Variants in KSR2 observed in about 807,000 individuals in gnomAD.
KSR2 encodes kinase suppressor of ras 2.
Under a neutral mutation model 107.8 loss-of-function variants are expected in KSR2, and 25 were observed. The ratio of observed to expected loss-of-function variants is 0.23; its 90% CI spans 0.17 to 0.32. The LOEUF is 0.32. Among genes scored for constraint, KSR2 ranks in the 10% least tolerant of loss-of-function variants. KSR2 has a pLI of 1.00. For synonymous variants in KSR2, 480 were observed against 507.0 expected (o/e 0.95, Z 0.71); for missense variants, 887 against 1,268.9 (o/e 0.70, Z 4.57).
intron 4 of KSR2, among the ~76,000 whole-genome samples, chr12:117,710,901 C>T (rs1886745977): frequency 6.6e-6 from 1 of 152,136 alleles, no homozygotes; most frequent in Non-Finnish European, 1.5e-5. Flanking sequence ...TGCCTCAAGA[C>T]CTTTGCACAT....
At chr12:117,882,060 T>C (rs539048891) in intron 1 of KSR2, among the ~76,000 whole-genome samples, 3 of 152,290 alleles carry the variant, frequency 2.0e-5, no homozygotes, top group African/African-American at 4.8e-5. Context: ...GGAAATGCCA[T>C]GGCAGTTAGA....
intron 1 of KSR2, among the ~76,000 whole-genome samples, chr12:117,888,509 G>A (rs996531448): frequency 6.6e-6 from 1 of 152,152 alleles, no homozygotes; most frequent in African/African-American, 2.4e-5. Context: ...TTGGAGATGG[G>A]GGCCTAGGGA....
intron 14 of KSR2, among the ~76,000 whole-genome samples, chr12:117,504,607 C>T (rs1322490634): frequency 6.6e-6 from 1 of 152,094 alleles, no homozygotes; most frequent in Non-Finnish European, 1.5e-5. Context: ...GCCCAGCTAC[C>T]TGGATATCCA....
intron 4 of KSR2, among the ~76,000 whole-genome samples, chr12:117,757,668 C>T (rs2136853828): frequency 6.6e-6 from 1 of 152,344 alleles, no homozygotes; most frequent in Non-Finnish European, 1.5e-5. Flanking sequence ...AACATTGAAG[C>T]AAGACCTTCC....
intron 4 of KSR2, among the ~76,000 whole-genome samples, chr12:117,752,290 C>T (rs1266068419): frequency 1.3e-5 from 2 of 152,190 alleles, no homozygotes; most frequent in African/African-American, 4.8e-5. Flanking sequence ...AATGTGTTCA[C>T]TCACAAACTA....
At chr12:117,925,697 G>A (rs753762335) in intron 1 of KSR2, among the ~76,000 whole-genome samples, 12 of 152,122 alleles carry the variant, frequency 7.9e-5, no homozygotes, top group South Asian at 2.1e-4. Flanking sequence ...AACCCTGATA[G>A]GTAGGTCTAG....
chr12:117,825,159 G>A (rs911980405), intron 3 of KSR2, among the ~76,000 whole-genome samples: 5 of 152,120 alleles, frequency 3.3e-5, no homozygotes, highest in African/African-American at 9.7e-5. Context: ...TCCAGCCTGG[G>A]TGACAGCAAG....
Position 117,667,471 on chromosome 12 carries a change from T to C in KSR2, c.1171+3A>G, listed in dbSNP as rs1565951558. The stretch of plus-strand genomic sequence containing the variant: ...CCCAGTGCAGCCCGGCAGGGTGACT[T>C]ACTTGCAGAGAAGTTGGCCTCAGTG... On this transcript the variant is annotated splice_donor_region_variant and intron_variant, in intron 5 of 19. Coordinates refer to ENST00000339824, the MANE Select transcript of KSR2 (RefSeq NM_173598.6). 2 of 1,609,114 alleles carry C rather than the reference T, an allele frequency of 1.2e-6. No homozygotes were observed. Among genetic ancestry groups the C allele is most frequent in the Non-Finnish European group, 1.7e-6 (2 of 1,178,260 alleles).
chr12:117,524,905 C>A lies in KSR2; in HGVS notation c.2166G>T (p.Val722=), dbSNP rs1024480784. 6.2e-7 allele frequency: 1 copy of A among 1,613,762 alleles called. No homozygotes were observed. Among genetic ancestry groups the A allele is most frequent in the African/African-American group, 1.3e-5 (1 of 75,032 alleles). ...TCATGCAGGCACCCATGAAAAGCAC[C>A]ACGTTCTCATGCCGTGTCTGCCTGT... The part of the protein sequence containing the change: ...MAYRQTRHEN[V]VLFMGACMSP... Residue 722 remains valine, a synonymous_variant, in exon 14 of 20, where the codon GTG becomes GTT. Coordinates refer to ENST00000339824, the MANE Select transcript of KSR2 (RefSeq NM_173598.6).
intron 4 of KSR2, among the ~76,000 whole-genome samples, chr12:117,695,962 G>C (rs1438050145): frequency 6.6e-6 from 1 of 152,196 alleles, no homozygotes; most frequent in Non-Finnish European, 1.5e-5. Context: ...AGTGAAAGCT[G>C]ACAGCCAGCA....
intron 3 of KSR2, among the ~76,000 whole-genome samples, chr12:117,840,961 C>T (rs1245713522): frequency 3.3e-5 from 5 of 151,138 alleles, no homozygotes; most frequent in East Asian, 2.0e-4. Context: ...GAGATTAAGC[C>T]GCTGCAATCT....
At chr12:117,489,123 C>T (rs2137150845) in intron 14 of KSR2, among the ~76,000 whole-genome samples, 2 of 151,850 alleles carry the variant, frequency 1.3e-5, no homozygotes, top group East Asian at 3.9e-4. Context: ...GACCTACATG[C>T]TGAAAGTCGG....
chr12:117,760,729 T>C (rs1199481750), intron 4 of KSR2, among the ~76,000 whole-genome samples: 3 of 152,250 alleles, frequency 2.0e-5, no homozygotes, highest in Non-Finnish European at 2.9e-5. Flanking sequence ...GGAATGATCA[T>C]GGGCGTGTTC....
chr12:117,734,632 G>C (rs1887868578), intron 4 of KSR2, among the ~76,000 whole-genome samples: 1 of 152,116 alleles, frequency 6.6e-6, no homozygotes, highest in African/African-American at 2.4e-5. Context: ...CTTTTCTGCT[G>C]AACTGTAAGC....
chr12:117,531,637 G>A (rs1234588352), intron 11 of KSR2, 29 bp downstream of exon 11: 9 of 1,597,406 alleles, frequency 5.6e-6, no homozygotes, highest in Non-Finnish European at 7.7e-6. Flanking sequence ...TGTTCAGAAG[G>A]GGCTGCTTCC....
intron 7 of KSR2, among the ~76,000 whole-genome samples, chr12:117,567,464 G>A (rs1156431685): frequency 3.9e-5 from 6 of 152,014 alleles, no homozygotes; most frequent in African/African-American, 1.2e-4. Flanking sequence ...GTTGGATTTC[G>A]CCGAGAGCAA....
intron 5 of KSR2, among the ~76,000 whole-genome samples, chr12:117,593,552 CA>C (rs1347870448): frequency 6.6e-6 from 1 of 152,234 alleles, no homozygotes; most frequent in African/African-American, 2.4e-5. Flanking sequence ...TTGGAATGTG[CA>C]AAATGGAATT....
intron 5 of KSR2, among the ~76,000 whole-genome samples, chr12:117,630,875 G>C (rs1404241587): frequency 5.3e-5 from 8 of 152,166 alleles, no homozygotes; most frequent in Non-Finnish European, 1.2e-4. Context: ...CAGGAACCCT[G>C]CTGATAAAGG....
chr12:117,772,891 A>G (rs1196360081), intron 3 of KSR2, among the ~76,000 whole-genome samples: 4 of 152,222 alleles, frequency 2.6e-5, no homozygotes, highest in Non-Finnish European at 5.9e-5. Context: ...CTGAGAGAGA[A>G]GCAGAGAGGA....
Sources: allele counts gnomAD v4.1 joint callset (sites outside exome capture counted in the v4.1 genomes callset), GRCh38; gene constraint gnomAD v4.1.1; transcripts MANE v1.5; gene names NCBI Gene and HGNC (gene_info 2026-07-23, HGNC 2026-07-21).